ADARB2: variants seen among roughly 807,000 people sequenced by gnomAD.
ADARB2 encodes inactive double-stranded RNA-specific editase B2.
ADARB2 carries 25 observed loss-of-function variants against 62.2 expected under a neutral mutation model. That is an observed-to-expected ratio of 0.40 (90% confidence interval 0.29 to 0.56). The LOEUF is 0.56. ADARB2 is among the 20% of genes least tolerant of loss of function. The pLI, the probability that ADARB2 is intolerant of heterozygous loss-of-function variation, is 0.43. For synonymous variants in ADARB2, 572 were observed against 500.8 expected (o/e 1.14, Z -1.90); for missense variants, 1,071 against 1,077.4 (o/e 0.99, Z 0.08).
intron 1 of ADARB2, among the ~76,000 whole-genome samples, chr10:1,645,714 GC>G (rs1056176740): frequency 6.6e-6 from 1 of 151,782 alleles, no homozygotes; most frequent in African/African-American, 2.4e-5. Flanking sequence ...CCACCTCCCT[GC>G]CATCTACACC....
At chr10:1,722,513 G>A (rs1263440617) in intron 1 of ADARB2, among the ~76,000 whole-genome samples, 1 of 152,140 alleles carries the variant, frequency 6.6e-6, no homozygotes, top group Non-Finnish European at 1.5e-5. Flanking sequence ...CTACATGCCC[G>A]GTAACCCAAA....
chr10:1,664,662 G>C (rs1181691985), intron 1 of ADARB2, among the ~76,000 whole-genome samples: 1 of 152,174 alleles, frequency 6.6e-6, no homozygotes, highest in Non-Finnish European at 1.5e-5. Flanking sequence ...GAGTGCACTA[G>C]CCTCCCTCAA....
chr10:1,288,170 A>G (rs1203988070), intron 3 of ADARB2, among the ~76,000 whole-genome samples: 1 of 152,242 alleles, frequency 6.6e-6, no homozygotes, highest in Non-Finnish European at 1.5e-5. Flanking sequence ...CGTCACAGAC[A>G]CCAGTTCTCA....
At chr10:1,330,487 C>T (rs888555328) in intron 3 of ADARB2, among the ~76,000 whole-genome samples, 2 of 152,198 alleles carry the variant, frequency 1.3e-5, no homozygotes, top group African/African-American at 4.8e-5. Context: ...ACCTGATAAA[C>T]AGCATCTACA....
chr10:1,259,484 A>G (rs1478322931), intron 4 of ADARB2, among the ~76,000 whole-genome samples: 1 of 152,242 alleles, frequency 6.6e-6, no homozygotes, highest in Non-Finnish European at 1.5e-5. Flanking sequence ...CCAGTCCCAC[A>G]GAAATACAAA....
rs1270147761 is a variant in ADARB2 at position 1,246,898 on chromosome 10, C to T, written c.1193-4599G>A. ...GTCATTGGTAGCTTGATGGGGATGG[C>T]ATTGAATCTATAAATTACCTTGGGC... is the stretch of plus-strand genomic sequence containing the variant. On this transcript the variant is annotated intron_variant, in intron 4 of 9. Transcript: ENST00000381312. Among the ~76,000 whole-genome samples, 5 of 151,906 alleles carry T rather than the reference C, an allele frequency of 3.3e-5. No homozygotes were observed. In the East Asian group the frequency reaches 9.7e-4, roughly 29 times the overall value.
chr10:1,668,208 T>C (rs1052579391), intron 1 of ADARB2, among the ~76,000 whole-genome samples: 1 of 152,220 alleles, frequency 6.6e-6, no homozygotes, highest in African/African-American at 2.4e-5. Context: ...AGTCTCTCTC[T>C]CCGGTTGCAA....
chr10:1,458,458 T>G (rs1831125046), intron 1 of ADARB2, among the ~76,000 whole-genome samples: 1 of 152,176 alleles, frequency 6.6e-6, no homozygotes, highest in South Asian at 2.1e-4. Flanking sequence ...TAAGTTTTAT[T>G]GATCACTAAA....
At chr10:1,357,572 T>G (rs1832208235) in intron 3 of ADARB2, among the ~76,000 whole-genome samples, 1 of 152,196 alleles carries the variant, frequency 6.6e-6, no homozygotes, top group Non-Finnish European at 1.5e-5. Flanking sequence ...GTCACTGTAT[T>G]TTATCTGGTA....
intron 1 of ADARB2, among the ~76,000 whole-genome samples, chr10:1,498,574 T>G (rs1831722160): frequency 6.6e-6 from 1 of 152,068 alleles, no homozygotes. Flanking sequence ...AAACCAAAAG[T>G]GGAAATCATC....
chr10:1,374,822 G>A (rs1832408318), intron 2 of ADARB2, among the ~76,000 whole-genome samples: 1 of 152,230 alleles, frequency 6.6e-6, no homozygotes, highest in Non-Finnish European at 1.5e-5. Context: ...ACGCTACATT[G>A]GAAGAGATAA....
intron 3 of ADARB2, among the ~76,000 whole-genome samples, chr10:1,349,871 C>T (rs1157957330): frequency 6.6e-6 from 1 of 152,112 alleles, no homozygotes; most frequent in Non-Finnish European, 1.5e-5. Flanking sequence ...GTCATTCACC[C>T]ACGTTCCCTT....
At chr10:1,722,816 T>A (rs1835109241) in intron 1 of ADARB2, among the ~76,000 whole-genome samples, 1 of 152,222 alleles carries the variant, frequency 6.6e-6, no homozygotes, top group South Asian at 2.1e-4. Context: ...TGAATCTAGT[T>A]CAACGACCTC....
intron 3 of ADARB2, among the ~76,000 whole-genome samples, chr10:1,333,796 C>T (rs145820188): frequency 3.3e-5 from 5 of 152,314 alleles, no homozygotes; most frequent in East Asian, 1.9e-4. Flanking sequence ...CCTGTGCCCT[C>T]GGTTCATCCA....
chr10:1,448,982 T>C (rs1051298376), intron 1 of ADARB2, among the ~76,000 whole-genome samples: 1 of 152,162 alleles, frequency 6.6e-6, no homozygotes, highest in Admixed American at 6.5e-5. Flanking sequence ...TGCAGCCTGA[T>C]CCTGCCCATA....
intron 1 of ADARB2, among the ~76,000 whole-genome samples, chr10:1,413,478 C>CTT (rs1832775984): frequency 6.6e-6 from 1 of 152,186 alleles, no homozygotes; most frequent in Non-Finnish European, 1.5e-5. Flanking sequence ...TCAGCAATGG[C>CTT]TTGTGTAACT....
chr10:1,204,046 C>T (rs1876898), intron 7 of ADARB2, among the ~76,000 whole-genome samples: 35,834 of 152,026 alleles, frequency 0.24, 4,519 homozygotes, highest in Non-Finnish European at 0.26. Flanking sequence ...CTACCTTTCA[C>T]GGCATTGGAA....
chr10:1,730,406 C>T (rs1037814140), intron 1 of ADARB2, among the ~76,000 whole-genome samples: 4 of 152,168 alleles, frequency 2.6e-5, no homozygotes, highest in African/African-American at 4.8e-5. Flanking sequence ...CCCTCTTCCG[C>T]GTGAGGCTTC....
intron 3 of ADARB2, chr10:1,291,436 A>AG (rs1384715508): frequency 6.6e-6 from 1 of 152,264 alleles, no homozygotes; most frequent in Non-Finnish European, 1.5e-5. Context: ...GCGGGGTCGG[A>AG]GCTCCTTCAC....
Sources: allele counts gnomAD v4.1 joint callset (sites outside exome capture counted in the v4.1 genomes callset), GRCh38; gene constraint gnomAD v4.1.1; transcripts MANE v1.5; gene names NCBI Gene and HGNC (gene_info 2026-07-23, HGNC 2026-07-21).